Variants in OSBPL2 observed in about 807,000 individuals in gnomAD.
The protein encoded by OSBPL2 is oxysterol-binding protein-related protein 2.
A neutral mutation model predicts 58.4 loss-of-function variants in OSBPL2; 18 were observed. The ratio of observed to expected loss-of-function variants is 0.31; its 90% CI spans 0.21 to 0.46. The LOEUF is 0.46. Among genes scored for constraint, OSBPL2 ranks in the 20% least tolerant of loss-of-function variants. The probability of loss-of-function intolerance (pLI) is 1.00; values close to 1 mark genes in which losing one functional copy is unlikely to be tolerated. For synonymous variants in OSBPL2, 221 were observed against 234.1 expected, an observed-to-expected ratio of 0.94 and a Z score of 0.51; for missense variants, 461 against 616.5, an observed-to-expected ratio of 0.75 and a Z score of 2.67.
At chr20:62,274,113 G>A (rs941778359) in intron 6 of OSBPL2, among the ~76,000 whole-genome samples, 1 of 152,184 alleles carries the variant, frequency 6.6e-6, no homozygotes, top group Non-Finnish European at 1.5e-5. Context: ...GGTCCAGCCG[G>A]GCCCCAGATC....
intron 5 of OSBPL2, 138 bp downstream of exon 5, chr20:62,272,397 C>A: frequency 2.2e-6 from 2 of 922,276 alleles, no homozygotes; most frequent in South Asian, 1.7e-5. Context: ...TCCTGCCTGG[C>A]GGTCGTGGCA....
Position 62,238,524 on chromosome 20 carries a change from A to T in OSBPL2, c.-202A>T, listed in dbSNP as rs931966071. On this transcript the variant is annotated 5_prime_UTR_variant, in exon 1 of 14. Transcript: ENST00000313733. ...CGGGCCGCACTTCCGCCTCGGTGTC[A>T]GTGGGTCGCGGGCCTACGGGGCGGG... The T allele has an allele frequency of 3.3e-5, 5 of 149,688 alleles. No homozygotes were observed. Among genetic ancestry groups the T allele is most frequent in the African/African-American group, 2.4e-5 (1 of 40,958 alleles). 9.3% of individuals were successfully genotyped at this position (149,688 alleles called of 1,614,324 possible).
At position 62,281,098 on chromosome 20, in the gene OSBPL2, G is replaced by A. The variant is rs200531495; in HGVS notation, c.715G>A (p.Val239Ile). Reference sequence around the variant, plus strand: ...CACCTGGACCAACCCCACCTGCTGCGTCCACAACGTCATCATCGGGAAGCT... The same window carrying A: ...CACCTGGACCAACCCCACCTGCTGCATCCACAACGTCATCATCGGGAAGCT... ...AYTWTNPTCC[V>I]HNVIIGKLWI... The change falls in exon 8 of 14, where the codon GTC (valine) becomes ATC (isoleucine). Residue 239 changes from valine (V) to isoleucine (I), a missense_variant. Transcript: ENST00000313733. The A allele has an allele frequency of 5.3e-4, 856 of 1,614,068 alleles. No homozygotes were observed. The highest frequency in any genetic ancestry group is 6.7e-4 in the Non-Finnish European group (791 of 1,180,020).
intron 1 of OSBPL2, among the ~76,000 whole-genome samples, chr20:62,255,806 A>G (rs1980885067): frequency 6.6e-6 from 1 of 152,260 alleles, no homozygotes; most frequent in South Asian, 2.1e-4. Flanking sequence ...TGCCCAGCCA[A>G]TAATGCTTTT....
intron 7 of OSBPL2, chr20:62,280,051 A>G: frequency 7.7e-7 from 1 of 1,304,292 alleles, no homozygotes. Context: ...AGTCTCCAAC[A>G]AATGCCGGCC....
chr20:62,261,515 C>G (rs989033343), intron 3 of OSBPL2, among the ~76,000 whole-genome samples: 2 of 152,144 alleles, frequency 1.3e-5, no homozygotes, highest in African/African-American at 2.4e-5. Flanking sequence ...TGGGTCCACT[C>G]TGGCACCCAC....
At chr20:62,289,551 C>G (rs752157913) in intron 12 of OSBPL2, among the ~76,000 whole-genome samples, 1 of 152,194 alleles carries the variant, frequency 6.6e-6, no homozygotes, top group Non-Finnish European at 1.5e-5. Flanking sequence ...CAGACCAAAC[C>G]TTTTGTAAAT....
At chr20:62,245,497 C>A (rs956691740) in intron 1 of OSBPL2, among the ~76,000 whole-genome samples, 1 of 152,208 alleles carries the variant, frequency 6.6e-6, no homozygotes, top group Non-Finnish European at 1.5e-5. Flanking sequence ...CCATACAGGC[C>A]TGAAGAAGGC....
At position 62,294,245 on chromosome 20, in the gene OSBPL2, A is replaced by G. The variant is rs538691833; in HGVS notation, c.*358A>G. On this transcript the variant is annotated 3_prime_UTR_variant, in exon 14 of 14. Transcript: ENST00000313733. ...TAAAGGAAGTAATGGGAAGGGGTTC[A>G]TGTTCTCTTTATAATGCAGTGGCAA... 9.3e-5 allele frequency: 26 copies of G among 279,658 alleles called. No homozygotes were observed. Among genetic ancestry groups the G allele is most frequent in the Non-Finnish European group, 1.6e-4 (24 of 148,920 alleles). 17.3% of individuals were successfully genotyped at this position (279,658 alleles called of 1,614,324 possible).
chr20:62,241,490 C>T (rs969839907), intron 1 of OSBPL2, among the ~76,000 whole-genome samples: 1 of 152,240 alleles, frequency 6.6e-6, no homozygotes, highest in African/African-American at 2.4e-5. Flanking sequence ...TGTCTTCAAG[C>T]AGGGAAGCTG....
chr20:62,290,452 T>C (rs1482521319), intron 12 of OSBPL2, among the ~76,000 whole-genome samples: 1 of 125,724 alleles, frequency 8.0e-6, no homozygotes, highest in Non-Finnish European at 1.6e-5. Context: ...AGTCTCACGC[T>C]GTTCCCCAGG....
rs1016704563 is a variant in OSBPL2, at chr20:62,295,067, C to T, written c.*1180C>T. 1 of 152,064 alleles carries T rather than the reference C, an allele frequency of 6.6e-6. No homozygotes were observed. Among genetic ancestry groups the T allele is most frequent in the Non-Finnish European group, 1.5e-5 (1 of 68,080 alleles). The allele number at this position is 152,064 out of a possible 1,614,324, so 9.4% of individuals were successfully genotyped here. On this transcript the variant is annotated 3_prime_UTR_variant, in exon 14 of 14. Coordinates refer to ENST00000313733, the MANE Select transcript of OSBPL2 (RefSeq NM_144498.4). This position sits in a 1 kb window ranked among gnomAD's most constrained non-coding sequence, Gnocchi z 4.8. ...TCCCGGGTTCAAGCGATTCTCCTGCCTCAGCCTCCCAAGTAGCTGGGATTA... is the reference window on the plus strand; with the variant it reads ...TCCCGGGTTCAAGCGATTCTCCTGCTTCAGCCTCCCAAGTAGCTGGGATTA...
At chr20:62,246,757 A>G (rs879831775) in intron 1 of OSBPL2, among the ~76,000 whole-genome samples, 1 of 152,086 alleles carries the variant, frequency 6.6e-6, no homozygotes, top group Non-Finnish European at 1.5e-5. Flanking sequence ...CAGGCATCTC[A>G]CACCAGGTTC....
intron 1 of OSBPL2, among the ~76,000 whole-genome samples, chr20:62,250,341 G>A (rs1324392333): frequency 6.6e-6 from 1 of 152,224 alleles, no homozygotes; most frequent in Admixed American, 6.5e-5. Context: ...GAGCGACCGG[G>A]AGGCTGTGTT....
At chr20:62,247,022 G>A (rs1270913349) in intron 1 of OSBPL2, among the ~76,000 whole-genome samples, 2 of 152,170 alleles carry the variant, frequency 1.3e-5, no homozygotes, top group East Asian at 1.9e-4. Context: ...CCAGGTCGCC[G>A]ACTGCTCTGG....
intron 10 of OSBPL2, chr20:62,284,749 C>A (rs371113121): frequency 6.6e-6 from 1 of 152,412 alleles, no homozygotes; most frequent in Non-Finnish European, 1.5e-5. Flanking sequence ...ACGAGTCATA[C>A]ATAATTGCTG....
At chr20:62,273,102 T>C (rs1982169898) in intron 5 of OSBPL2, among the ~76,000 whole-genome samples, 2 of 152,154 alleles carry the variant, frequency 1.3e-5, no homozygotes, top group Admixed American at 6.6e-5. Context: ...AGTTCCTTCT[T>C]TCTGTGCTGT....
chr20:62,245,830 T>C (rs1462723527), intron 1 of OSBPL2, among the ~76,000 whole-genome samples: 2 of 152,242 alleles, frequency 1.3e-5, no homozygotes, highest in Non-Finnish European at 2.9e-5. Flanking sequence ...GTTTATTTGG[T>C]TCTAAATTTA....
At chr20:62,262,875 C>T (rs1043386599) in intron 3 of OSBPL2, among the ~76,000 whole-genome samples, 2 of 152,156 alleles carry the variant, frequency 1.3e-5, no homozygotes, top group Non-Finnish European at 2.9e-5. Context: ...CAGGGAGCCC[C>T]GGGCCCCTAC....
Sources: allele counts gnomAD v4.1 joint callset (sites outside exome capture counted in the v4.1 genomes callset), GRCh38; gene constraint gnomAD v4.1.1; non-coding constraint Gnocchi (gnomAD v3.1); transcripts MANE v1.5; gene names NCBI Gene and HGNC (gene_info 2026-07-23, HGNC 2026-07-21).